KANK4: variants seen among roughly 807,000 people sequenced by gnomAD.
KANK4 encodes the protein KN motif and ankyrin repeat domains 4, also known as KN motif and ankyrin repeat domain-containing protein 4.
In KANK4, 50 loss-of-function variants were observed where a neutral mutation model predicts 80.8. The observed-to-expected ratio is 0.62, with a 90% CI of 0.49 to 0.78. The LOEUF (loss-of-function observed/expected upper bound fraction) is 0.78, where lower values mean the gene tolerates loss of function less well. KANK4 is among the 30% of genes least tolerant of loss of function. The pLI, the probability that KANK4 is intolerant of heterozygous loss-of-function variation, is 0.00. For missense variants in KANK4, 1,196 were observed against 1,240.1 expected, an observed-to-expected ratio of 0.96 and a Z score of 0.53; for synonymous variants, 465 against 506.9, an observed-to-expected ratio of 0.92 and a Z score of 1.11.
At chr1:62,251,098 C>T (rs1282345896) in intron 8 of KANK4, among the ~76,000 whole-genome samples, 5 of 152,180 alleles carry the variant, frequency 3.3e-5, no homozygotes, top group Admixed American at 3.3e-4. Context: ...GAGATATTGT[C>T]TTCTTTGGAG....
chr1:62,266,418 C>T lies in KANK4; in HGVS notation c.2319+314G>A, dbSNP rs372972650. On this transcript the variant is annotated intron_variant, in intron 6 of 9. Transcript: ENST00000371153. ...CCACTGCCTCACACTGTGCACCGTA[C>T]GCTCACACCAATGCACACCCACACC... Among the ~76,000 whole-genome samples, 435 of 150,854 alleles carry T rather than the reference C, an allele frequency of 2.9e-3. 4 individuals carry two copies. The highest frequency in any genetic ancestry group is 4.4e-3 in the South Asian group (21 of 4,722).
rs769985063 is a variant in KANK4, at chr1:62,263,107, G to A, written c.2524C>T (p.Leu842=). ...VSHSNFSIVK[L]LLETGVCNVD... The stretch of plus-strand genomic sequence containing the variant: ...CACTTCTGACCTGTCTCCAGCAGCA[G>A]CTTCACGATGGAGAAGTTGGAGTGG... The change falls in exon 7 of 10, where the codon CTG becomes TTG. Residue 842 remains leucine, a synonymous_variant. Coordinates refer to ENST00000371153, the MANE Select transcript of KANK4 (RefSeq NM_181712.5). 6.2e-7 allele frequency: 1 copy of A among 1,612,172 alleles called. No homozygotes were observed. Among genetic ancestry groups the A allele is most frequent in the Non-Finnish European group, 8.5e-7 (1 of 1,178,644 alleles).
chr1:62,262,579 A>C (rs779576333), intron 7 of KANK4, among the ~76,000 whole-genome samples: 1 of 152,104 alleles, frequency 6.6e-6, no homozygotes, highest in Non-Finnish European at 1.5e-5. Context: ...TATATATAAA[A>C]AATAAATATA....
At chr1:62,254,409 T>C (rs1327729147) in intron 7 of KANK4, among the ~76,000 whole-genome samples, 1 of 149,484 alleles carries the variant, frequency 6.7e-6, no homozygotes, top group Non-Finnish European at 1.5e-5. Flanking sequence ...GCCTGGCTAA[T>C]TTTTGTATTT....
At chr1:62,316,781 T>C (rs1343621490) in intron 1 of KANK4, among the ~76,000 whole-genome samples, 2 of 152,326 alleles carry the variant, frequency 1.3e-5, no homozygotes, top group South Asian at 2.1e-4. Context: ...CAAGCATTTT[T>C]TGAACACCTT....
chr1:62,255,036 C>T (rs186438850), intron 7 of KANK4, among the ~76,000 whole-genome samples: 17 of 151,280 alleles, frequency 1.1e-4, no homozygotes, highest in South Asian at 2.1e-4. Context: ...CAGGTGCACG[C>T]CACCATGCCC....
intron 1 of KANK4, among the ~76,000 whole-genome samples, chr1:62,300,025 C>G (rs746701573): frequency 3.9e-5 from 6 of 152,090 alleles, no homozygotes; most frequent in Non-Finnish European, 7.4e-5. Flanking sequence ...CAAAGGCCTC[C>G]CACCTGCCAA....
At chr1:62,289,820 A>G (rs1288525383) in intron 1 of KANK4, among the ~76,000 whole-genome samples, 2 of 152,196 alleles carry the variant, frequency 1.3e-5, no homozygotes, top group African/African-American at 2.4e-5. Flanking sequence ...TATATTTAAC[A>G]TAATTGAAGG....
intron 5 of KANK4, 71 bp downstream of exon 5, chr1:62,268,216 T>C (rs972311212): frequency 8.3e-7 from 1 of 1,203,656 alleles, no homozygotes; most frequent in Non-Finnish European, 1.2e-6. Flanking sequence ...AATGATCGCA[T>C]GAACGGGTAG....
rs551929353 is a variant in KANK4 at position 62,247,369 on chromosome 1, G to A, written c.2883+103C>T. 1,380 of 972,892 alleles carry A rather than the reference G, an allele frequency of 1.4e-3. 1 individual carries two copies. The highest frequency in any genetic ancestry group is 1.8e-3 in the Non-Finnish European group (1,111 of 626,454). The allele number at this position is 972,892 out of a possible 1,614,324, so 60.3% of individuals were successfully genotyped here. ...TGCCTAGGCTGGTCTCGAACTCCTG[G>A]GCTCAAGTGATCCTCCCGCCTCAGC... On this transcript the variant is annotated intron_variant, in intron 9 of 9. Coordinates refer to ENST00000371153, the MANE Select transcript of KANK4 (RefSeq NM_181712.5).
chr1:62,270,310 C>T (rs967610855), intron 4 of KANK4, among the ~76,000 whole-genome samples: 1 of 151,992 alleles, frequency 6.6e-6, no homozygotes, highest in Non-Finnish European at 1.5e-5. Context: ...CACATGATCC[C>T]GTGTCAGATG....
At chr1:62,247,438 C>T (rs1671493217) in intron 9 of KANK4, 34 bp downstream of exon 9, 1 of 1,603,258 alleles carries the variant, frequency 6.2e-7, no homozygotes, top group African/African-American at 1.3e-5. Flanking sequence ...CCCTGCCCAG[C>T]AACAGCTACT....
rs368901402 is a variant in KANK4, at chr1:62,253,064, C to T, written c.2682+3G>A. On this transcript the variant is annotated splice_donor_region_variant and intron_variant, in intron 8 of 9. Transcript: ENST00000371153. ...AAGAGGAGATCCTGTTCATTCCACC[C>T]ACCTGAGTAGCTTGAATGTTCACAT... The T allele has an allele frequency of 7.4e-6, 12 of 1,613,520 alleles. No individual in the cohort carries two copies. Among genetic ancestry groups the T allele is most frequent in the Non-Finnish European group, 1.0e-5 (12 of 1,179,868 alleles).
intron 9 of KANK4, among the ~76,000 whole-genome samples, chr1:62,246,787 G>GT (rs964082447): frequency 4.0e-5 from 6 of 150,888 alleles, no homozygotes; most frequent in Non-Finnish European, 7.4e-5. Context: ...TTGAGACAGA[G>GT]TTTCATGTTG....
chr1:62,264,407 G>A (rs901893509), intron 6 of KANK4, among the ~76,000 whole-genome samples: 13 of 152,068 alleles, frequency 8.5e-5, no homozygotes, highest in Non-Finnish European at 1.0e-4. Flanking sequence ...GCGAAACTCC[G>A]TCTCAAATTA....
chr1:62,300,849 G>A (rs1459811596), intron 1 of KANK4, among the ~76,000 whole-genome samples: 1 of 152,044 alleles, frequency 6.6e-6, no homozygotes, highest in Non-Finnish European at 1.5e-5. Flanking sequence ...GACTTCAAGA[G>A]GGAAATAGCA....
Position 62,260,530 on chromosome 1 carries a change from G to A in KANK4, c.2539+2562C>T, listed in dbSNP as rs1305430928. 3.3e-5 allele frequency among the ~76,000 whole-genome samples: 5 copies of A among 152,060 alleles called. No homozygotes were observed. The East Asian group carries it at 9.7e-4, about 29-fold the overall frequency. ...AACAAACACACAAAACCAACTCTCC[G>A]AAGGCTCTCCCACCTCCTTCAGCCA... On this transcript the variant is annotated intron_variant, in intron 7 of 9. Coordinates refer to ENST00000371153, the MANE Select transcript of KANK4 (RefSeq NM_181712.5).
chr1:62,278,742 C>A (rs1006400011), intron 2 of KANK4, among the ~76,000 whole-genome samples: 3 of 151,922 alleles, frequency 2.0e-5, no homozygotes, highest in African/African-American at 7.3e-5. Flanking sequence ...ACCTTCCCAT[C>A]CCCTCGCAAA....
intron 7 of KANK4, among the ~76,000 whole-genome samples, chr1:62,261,483 G>A (rs1671885707): frequency 6.6e-6 from 1 of 151,750 alleles, no homozygotes; most frequent in African/African-American, 2.4e-5. Flanking sequence ...TTGCTGTTTG[G>A]TTCCTACCAT....
Sources: gnomAD v4.1 joint callset for allele counts (sites outside exome capture counted in the v4.1 genomes callset) on GRCh38, gnomAD v4.1.1 for gene constraint, MANE v1.5 for transcripts, NCBI Gene and HGNC (gene_info 2026-07-23, HGNC 2026-07-21) for gene names.